Variants in EYS observed in about 807,000 individuals in gnomAD.
EYS encodes the protein EGF-like photoreceptor maintenance factor.
Under a neutral mutation model 282.1 loss-of-function variants are expected in EYS, and 250 were observed. The observed-to-expected ratio is 0.89, with a 90% confidence interval of 0.80 to 0.98. EYS has a LOEUF of 0.98. EYS is among the 50% of genes least tolerant of loss of function. The probability of loss-of-function intolerance (pLI) is 0.00; values close to 1 mark genes in which losing one functional copy is unlikely to be tolerated. For missense variants in EYS, 4,016 were observed against 3,709.0 expected (o/e 1.08, Z -2.15); for synonymous variants, 1,355 against 1,282.9 (o/e 1.06, Z -1.20).
chr6:65,628,827 T>C (rs1766812496), intron 2 of EYS, among the ~76,000 whole-genome samples: 1 of 152,186 alleles, frequency 6.6e-6, no homozygotes, highest in East Asian at 1.9e-4. Context: ...GGCTTCATTC[T>C]TGAAGTCAGT....
intron 37 of EYS, among the ~76,000 whole-genome samples, chr6:63,796,869 T>C (rs1770657147): frequency 6.6e-6 from 1 of 152,190 alleles, no homozygotes; most frequent in Non-Finnish European, 1.5e-5. Context: ...GACAAGTAAA[T>C]TTTCCTTCTC....
intron 7 of EYS, among the ~76,000 whole-genome samples, chr6:65,392,461 A>C (rs1766081960): frequency 6.6e-6 from 1 of 152,220 alleles, no homozygotes; most frequent in South Asian, 2.1e-4. Context: ...CAATGAACTC[A>C]AACAAATTTA....
intron 12 of EYS, among the ~76,000 whole-genome samples, chr6:65,235,411 T>G (rs2150271455): frequency 6.6e-6 from 1 of 152,120 alleles, no homozygotes; most frequent in South Asian, 2.1e-4. Flanking sequence ...ATAAACTGCA[T>G]AAGACACAAT....
chr6:63,999,527 T>G (rs1767982893), intron 33 of EYS, among the ~76,000 whole-genome samples: 1 of 152,206 alleles, frequency 6.6e-6, no homozygotes, highest in Admixed American at 6.5e-5. Flanking sequence ...GTCTCCCTCA[T>G]GTAGGAGATT....
chr6:65,442,207 A>T (rs1768358130), intron 5 of EYS, among the ~76,000 whole-genome samples: 1 of 152,006 alleles, frequency 6.6e-6, no homozygotes, highest in Admixed American at 6.6e-5. Flanking sequence ...AGCATTTCTT[A>T]GTGACTCCTG....
chr6:63,981,926 G>A (rs1767118925), intron 35 of EYS, among the ~76,000 whole-genome samples: 1 of 151,842 alleles, frequency 6.6e-6, no homozygotes, highest in African/African-American at 2.4e-5. Flanking sequence ...GTTGGAATAA[G>A]TCTAAGAGAA....
intron 26 of EYS, among the ~76,000 whole-genome samples, chr6:64,451,126 A>T (rs1490809368): frequency 1.3e-5 from 2 of 152,170 alleles, no homozygotes; most frequent in African/African-American, 2.4e-5. Flanking sequence ...CTAATAAGGA[A>T]GAAAAGAGAG....
At chr6:63,887,314 G>GTTT (rs35622877) in intron 35 of EYS, among the ~76,000 whole-genome samples, 12,098 of 119,400 alleles carry the variant, frequency 0.1, 1,208 homozygotes, top group Non-Finnish European at 0.14. Flanking sequence ...AATAAAAGGT[G>GTTT]TTTTTTTTTT....
intron 8 of EYS, among the ~76,000 whole-genome samples, chr6:65,370,651 C>T (rs1011304901): frequency 2.6e-5 from 4 of 151,726 alleles, no homozygotes; most frequent in Non-Finnish European, 4.4e-5. Context: ...TGCATCTTTT[C>T]CCATGTTCTA....
chr6:64,508,508 A>G (rs1777281262), intron 26 of EYS, among the ~76,000 whole-genome samples: 1 of 151,024 alleles, frequency 6.6e-6, no homozygotes, highest in African/African-American at 2.4e-5. Context: ...ACTAAGGAGA[A>G]ATGATATCCG....
At chr6:64,271,288 T>A (rs1767932158) in intron 30 of EYS, among the ~76,000 whole-genome samples, 1 of 152,184 alleles carries the variant, frequency 6.6e-6, no homozygotes, top group Admixed American at 6.5e-5. Flanking sequence ...AGTTTGTGTT[T>A]TTCATACACA....
intron 33 of EYS, among the ~76,000 whole-genome samples, chr6:64,002,248 C>T (rs114781646): frequency 0.01 from 1,547 of 152,268 alleles, 28 homozygotes; most frequent in African/African-American, 0.034. Flanking sequence ...CCACTCCATC[C>T]CCTCTTTCAG....
intron 31 of EYS, among the ~76,000 whole-genome samples, chr6:64,116,398 A>G (rs1773386992): frequency 6.6e-6 from 1 of 152,212 alleles, no homozygotes; most frequent in Admixed American, 6.5e-5. Flanking sequence ...TCAATATTTT[A>G]TCCTATAGTA....
chr6:65,097,867 T>A (rs1774784593), intron 12 of EYS, among the ~76,000 whole-genome samples: 4 of 150,764 alleles, frequency 2.7e-5, no homozygotes, highest in Admixed American at 1.3e-4. Context: ...TGGGAGTTGT[T>A]CATTGGGTAA....
rs1583194501 is a variant in EYS at position 64,822,806 on chromosome 6, T to G, written c.3009A>C (p.Ile1003=). 3 of 1,549,304 alleles carry G rather than the reference T, an allele frequency of 1.9e-6. No individual in the cohort carries two copies. The highest frequency in any genetic ancestry group is 2.6e-6 in the Non-Finnish European group (3 of 1,145,598). The part of the protein sequence containing the change: ...APGYTGINCE[I]NLDECLSEPC... Reference sequence around the variant, plus strand: ...GCTCTGATAGGCATTCATCTAGATTTATTTCACAGTTGATGCCTGTGTTGG... The same window carrying G: ...GCTCTGATAGGCATTCATCTAGATTGATTTCACAGTTGATGCCTGTGTTGG... The change falls in exon 20 of 43, where the codon ATA becomes ATC. Residue 1003 remains isoleucine (I), a synonymous_variant. Transcript: ENST00000503581.
chr6:64,855,595 A>G (rs1176778332), intron 19 of EYS, among the ~76,000 whole-genome samples: 1 of 152,160 alleles, frequency 6.6e-6, no homozygotes, highest in Non-Finnish European at 1.5e-5. Flanking sequence ...TTAGTGTGGT[A>G]CATTAACCAC....
At position 64,394,929 on chromosome 6, in the gene EYS, T is replaced by C. The variant is rs538089942; in HGVS notation, c.5928-6089A>G. ...GAATCTACAATGAACTCAAACAAAT[T>C]TACAAGAAAAAAACAAACAACCCCA... On this transcript the variant is annotated intron_variant, in intron 28 of 42. Transcript: ENST00000503581. 1.9e-3 allele frequency among the ~76,000 whole-genome samples: 284 copies of C among 151,880 alleles called. 2 individuals carry two copies. Among genetic ancestry groups the C allele is most frequent in the African/African-American group, 6.5e-3 (268 of 41,416 alleles).
At chr6:63,926,527 C>T (rs1764720557) in intron 35 of EYS, among the ~76,000 whole-genome samples, 2 of 152,132 alleles carry the variant, frequency 1.3e-5, no homozygotes. Context: ...GCAGGTTACT[C>T]TTTTTCTATT....
At chr6:64,312,214 T>C (rs1044592284) in intron 29 of EYS, among the ~76,000 whole-genome samples, 1 of 152,048 alleles carries the variant, frequency 6.6e-6, no homozygotes, top group Admixed American at 6.5e-5. Flanking sequence ...CGGCCATTAC[T>C]GAGGCTTGAG....
Sources: gnomAD v4.1 joint callset for allele counts (sites outside exome capture counted in the v4.1 genomes callset) on GRCh38, gnomAD v4.1.1 for gene constraint, MANE v1.5 for transcripts, NCBI Gene and HGNC (gene_info 2026-07-23, HGNC 2026-07-21) for gene names.